TNS3: variants seen among roughly 807,000 people sequenced by gnomAD.
The protein encoded by TNS3 is tensin 3.
TNS3 carries 45 observed loss-of-function variants against 140.9 expected under a neutral mutation model. The observed-to-expected ratio is 0.32, with a 90% CI of 0.25 to 0.41. The LOEUF is 0.41. Ranked by LOEUF, TNS3 falls within the 10% of genes least tolerant of loss-of-function variation. The pLI, the probability that TNS3 is intolerant of heterozygous loss-of-function variation, is 1.00. For missense variants in TNS3, 1,716 were observed against 1,906.7 expected, an observed-to-expected ratio of 0.90 and a Z score of 1.86; for synonymous variants, 815 against 788.4, an observed-to-expected ratio of 1.03 and a Z score of -0.56.
chr7:47,425,604 C>A (rs1460401882), intron 9 of TNS3, among the ~76,000 whole-genome samples: 2 of 152,148 alleles, frequency 1.3e-5, no homozygotes, highest in Non-Finnish European at 2.9e-5. Flanking sequence ...AGCACCGAGT[C>A]CATCACATAC....
chr7:47,390,467 G>A (rs1305935654), intron 16 of TNS3, among the ~76,000 whole-genome samples: 2 of 152,082 alleles, frequency 1.3e-5, no homozygotes, highest in African/African-American at 4.8e-5. Flanking sequence ...GTCTTATTGC[G>A]AAGGCTGCAG....
intron 20 of TNS3, among the ~76,000 whole-genome samples, chr7:47,307,375 T>C (rs961797287): frequency 2.6e-5 from 4 of 152,246 alleles, no homozygotes; most frequent in Non-Finnish European, 4.4e-5. Flanking sequence ...TATGGACATA[T>C]CACATTTTCT....
chr7:47,330,908 C>T (rs1562600336), intron 20 of TNS3, among the ~76,000 whole-genome samples: 2 of 152,174 alleles, frequency 1.3e-5, no homozygotes, highest in African/African-American at 2.4e-5. Flanking sequence ...ACCAGCCTCA[C>T]GGGTCCTACA....
At chr7:47,331,828 G>C (rs1405633884) in intron 20 of TNS3, among the ~76,000 whole-genome samples, 1 of 152,220 alleles carries the variant, frequency 6.6e-6, no homozygotes, top group Non-Finnish European at 1.5e-5. Flanking sequence ...CTACATATGT[G>C]TGTCACTAAA....
At chr7:47,372,956 G>A (rs1219242343) in intron 16 of TNS3, among the ~76,000 whole-genome samples, 1 of 152,216 alleles carries the variant, frequency 6.6e-6, no homozygotes, top group Non-Finnish European at 1.5e-5. Flanking sequence ...TCACTCTGTA[G>A]GAGCACAGAT....
In TNS3 at chr7:47,369,625, C is replaced by T. The variant is rs765420331; in HGVS notation, c.1025-4G>A. On this transcript the variant is annotated splice_region_variant and splice_polypyrimidine_tract_variant and intron_variant, in intron 16 of 30. Coordinates refer to ENST00000311160, the MANE Select transcript of TNS3 (RefSeq NM_022748.12). ...ACAGGGCCCTGCGTGTGTAGCACTGCGGGGGAGAAAACCGGAGAGAGGCTT... is the reference window on the plus strand; with the variant it reads ...ACAGGGCCCTGCGTGTGTAGCACTGTGGGGGAGAAAACCGGAGAGAGGCTT... The T allele has an allele frequency of 5.8e-6, 9 of 1,547,062 alleles. No homozygotes were observed. The Admixed American group carries it at 7.9e-5, about 14-fold the overall frequency.
At chr7:47,296,224 T>G (rs912559667) in intron 24 of TNS3, among the ~76,000 whole-genome samples, 2 of 152,026 alleles carry the variant, frequency 1.3e-5, no homozygotes, top group Non-Finnish European at 2.9e-5. Context: ...ATGGATCAAT[T>G]GGCTGTAGGA....
chr7:47,355,380 G>A (rs932107329), intron 17 of TNS3, among the ~76,000 whole-genome samples: 8 of 152,178 alleles, frequency 5.3e-5, no homozygotes, highest in African/African-American at 1.4e-4. Context: ...GAATCCTCAC[G>A]TGCTCTGAGG....
chr7:47,310,694 A>C (rs986508760), intron 20 of TNS3, among the ~76,000 whole-genome samples: 1 of 152,230 alleles, frequency 6.6e-6, no homozygotes, highest in Non-Finnish European at 1.5e-5. Context: ...ATGTTTAAGA[A>C]AGCAGAAGCA....
intron 16 of TNS3, among the ~76,000 whole-genome samples, chr7:47,373,765 C>T (rs17172855): frequency 0.078 from 11,828 of 152,280 alleles, 547 homozygotes; most frequent in South Asian, 0.16. Flanking sequence ...CTCTGACACC[C>T]GGTGAATATT....
At chr7:47,281,047 C>A (rs1248289503) in intron 28 of TNS3, among the ~76,000 whole-genome samples, 1 of 152,226 alleles carries the variant, frequency 6.6e-6, no homozygotes, top group Non-Finnish European at 1.5e-5. Context: ...AGGCTCCGAG[C>A]CTTGGTTTCC....
At chr7:47,534,809 G>A (rs549257482) in intron 1 of TNS3, among the ~76,000 whole-genome samples, 2 of 152,284 alleles carry the variant, frequency 1.3e-5, no homozygotes, top group South Asian at 2.1e-4. Flanking sequence ...TAATTATGCA[G>A]TTGGTAACAC....
intron 4 of TNS3, among the ~76,000 whole-genome samples, chr7:47,465,925 AAAAT>A (rs373640446): frequency 0.081 from 12,154 of 150,402 alleles, 609 homozygotes; most frequent in Non-Finnish European, 0.11. Context: ...ACTCCGTCTA[AAAAT>A]AAATAAATAA....
chr7:47,399,810 C>A (rs909299815), intron 15 of TNS3, among the ~76,000 whole-genome samples: 7 of 152,048 alleles, frequency 4.6e-5, no homozygotes, highest in African/African-American at 1.7e-4. Flanking sequence ...TGCAACAGAA[C>A]AAAAATAAGT....
chr7:47,340,564 C>G (rs1020633145), intron 20 of TNS3, among the ~76,000 whole-genome samples: 7 of 118,844 alleles, frequency 5.9e-5, no homozygotes, highest in South Asian at 2.7e-4. Flanking sequence ...TTTTGTTGTT[C>G]CCTGGGATTT....
At chr7:47,335,801 T>G (rs1457413360) in intron 20 of TNS3, among the ~76,000 whole-genome samples, 2 of 152,282 alleles carry the variant, frequency 1.3e-5, no homozygotes, top group Middle Eastern at 6.8e-3. Flanking sequence ...GCAGTAGGAA[T>G]GACTACTGTT....
intron 4 of TNS3, among the ~76,000 whole-genome samples, chr7:47,448,476 A>ATTTTTTTTT: frequency 7.7e-6 from 1 of 129,678 alleles, no homozygotes. Flanking sequence ...TGGGAATTCG[A>ATTTTTTTTT]TTTTTTTTTT....
At chr7:47,516,794 G>A (rs1004132765) in intron 2 of TNS3, among the ~76,000 whole-genome samples, 5 of 152,226 alleles carry the variant, frequency 3.3e-5, no homozygotes, top group Admixed American at 1.3e-4. Flanking sequence ...CAGGAGCAGT[G>A]GCTCACGGCT....
intron 4 of TNS3, among the ~76,000 whole-genome samples, chr7:47,462,834 C>T (rs1169951177): frequency 6.6e-6 from 1 of 152,184 alleles, no homozygotes; most frequent in Non-Finnish European, 1.5e-5. Context: ...TCTCTTCTCC[C>T]TGCCTCTCCG....
Sources: allele counts gnomAD v4.1 joint callset (sites outside exome capture counted in the v4.1 genomes callset), GRCh38; gene constraint gnomAD v4.1.1; transcripts MANE v1.5; gene names NCBI Gene and HGNC (gene_info 2026-07-23, HGNC 2026-07-21).